MACROD2: variants seen among roughly 807,000 people sequenced by gnomAD.
MACROD2 encodes the protein ADP-ribose glycohydrolase MACROD2.
Under a neutral mutation model 70.4 loss-of-function variants are expected in MACROD2, and 36 were observed. That is an observed-to-expected ratio of 0.51 (90% CI 0.39 to 0.68). The LOEUF is 0.68. MACROD2 is among the 30% of genes least tolerant of loss of function. MACROD2 has a pLI of 0.00. For synonymous variants in MACROD2, 172 were observed against 178.8 expected (o/e 0.96, Z 0.30); for missense variants, 496 against 538.4 (o/e 0.92, Z 0.78).
rs985088868 is a variant in MACROD2 at position 14,684,205 on chromosome 20, A to G, written c.302-638A>G. ...GGTGGTCTTATGGGTGTTAAGCAAG[A>G]CCTAATCTACCCTTGCGCAGCACCC... On this transcript the variant is annotated intron_variant, in intron 4 of 17. Transcript: ENST00000684519. 2.6e-5 allele frequency among the ~76,000 whole-genome samples: 4 copies of G among 152,226 alleles called. No individual in the cohort carries two copies. The South Asian group carries it at 6.2e-4, about 24-fold the overall frequency.
intron 5 of MACROD2, among the ~76,000 whole-genome samples, chr20:14,866,512 G>A (rs964577935): frequency 2.0e-5 from 3 of 151,956 alleles, no homozygotes; most frequent in African/African-American, 7.3e-5. Context: ...GCAATTTCTG[G>A]GTGAGTAGGT....
chr20:14,806,048 C>T (rs1458941407), intron 5 of MACROD2, among the ~76,000 whole-genome samples: 1 of 151,640 alleles, frequency 6.6e-6, no homozygotes, highest in Non-Finnish European at 1.5e-5. Flanking sequence ...ACATAGTAAG[C>T]ACTCACTAAA....
chr20:14,194,845 A>C (rs1448976153), intron 3 of MACROD2, among the ~76,000 whole-genome samples: 4 of 152,240 alleles, frequency 2.6e-5, no homozygotes, highest in African/African-American at 9.6e-5. Context: ...CTAATCAAGC[A>C]GTGTAAACAT....
At chr20:14,271,455 A>G (rs2122355020) in intron 3 of MACROD2, among the ~76,000 whole-genome samples, 1 of 152,310 alleles carries the variant, frequency 6.6e-6, no homozygotes, top group Middle Eastern at 3.4e-3. Context: ...AAGAAAAACT[A>G]ACAAACAGAA....
chr20:14,976,512 T>C (rs1374169875), intron 5 of MACROD2, among the ~76,000 whole-genome samples: 1 of 152,186 alleles, frequency 6.6e-6, no homozygotes, highest in African/African-American at 2.4e-5. Context: ...ATCACTGTCA[T>C]CTCAGGGTCC....
Position 15,329,319 on chromosome 20 carries a change from A to G in MACROD2, c.540+99258A>G, listed in dbSNP as rs542863506. ...TTCAGGGTGAGAGTGGTGTATCTGT[A>G]GGTGATTTAGGGTGACGTTTGGAAT... is the stretch of plus-strand genomic sequence containing the variant. On this transcript the variant is annotated intron_variant, in intron 6 of 17. Transcript: ENST00000684519. Among the ~76,000 whole-genome samples the G allele has an allele frequency of 4.2e-4, 64 of 152,218 alleles. 1 individual carries two copies. The highest frequency in any genetic ancestry group is 1.4e-3 in the African/African-American group (59 of 41,542).
intron 4 of MACROD2, among the ~76,000 whole-genome samples, chr20:14,581,198 T>A (rs1234197200): frequency 1.3e-5 from 2 of 152,218 alleles, no homozygotes; most frequent in Non-Finnish European, 2.9e-5. Context: ...TAAAACACTC[T>A]TGGTTTTTTC....
chr20:15,956,744 G>A (rs1200340846), intron 12 of MACROD2, among the ~76,000 whole-genome samples: 1 of 152,094 alleles, frequency 6.6e-6, no homozygotes, highest in Non-Finnish European at 1.5e-5. Context: ...CTGGGGTTGG[G>A]GCCCCACAGT....
At chr20:14,515,153 C>A (rs1288444864) in intron 4 of MACROD2, among the ~76,000 whole-genome samples, 1 of 152,014 alleles carries the variant, frequency 6.6e-6, no homozygotes, top group Non-Finnish European at 1.5e-5. Context: ...AAAAGAAAGT[C>A]ACTGTGTTAT....
chr20:15,547,322 A>G (rs2048037971), intron 8 of MACROD2, among the ~76,000 whole-genome samples: 1 of 152,186 alleles, frequency 6.6e-6, no homozygotes, highest in African/African-American at 2.4e-5. Context: ...AGGGAGCAAA[A>G]CAAATGCTAC....
chr20:15,334,989 A>G (rs2078032862), intron 6 of MACROD2, among the ~76,000 whole-genome samples: 1 of 151,706 alleles, frequency 6.6e-6, no homozygotes, highest in South Asian at 2.1e-4. Context: ...TATAGTTACC[A>G]TCTTTTATGA....
rs139337084 is a variant in MACROD2, at chr20:15,188,412, T to A, written c.419-41528T>A. ...CCAAAGAGTCGAGCAACATGGTTAG[T>A]ATATTAACCTATTAGGGTTAGCCGA... is the stretch of plus-strand genomic sequence containing the variant. On this transcript the variant is annotated intron_variant, in intron 5 of 17. Transcript: ENST00000684519. Among the ~76,000 whole-genome samples, 920 of 152,296 alleles carry A rather than the reference T, an allele frequency of 6.0e-3. 9 individuals are homozygous for A. Among genetic ancestry groups the A allele is most frequent in the African/African-American group, 0.02 (844 of 41,558 alleles).
chr20:14,493,371 T>G (rs964243680), intron 3 of MACROD2, 108 bp from the exon 4 acceptor site: 4 of 799,454 alleles, frequency 5.0e-6, no homozygotes, highest in Non-Finnish European at 8.1e-6. Flanking sequence ...TGTTTATGTA[T>G]GTATATGAGA....
At chr20:15,779,123 C>T (rs2051786487) in intron 8 of MACROD2, among the ~76,000 whole-genome samples, 1 of 152,020 alleles carries the variant, frequency 6.6e-6, no homozygotes, top group Non-Finnish European at 1.5e-5. Flanking sequence ...CATGGGGATC[C>T]CAGGAGTTAC....
At chr20:15,282,196 G>T (rs1223718996) in intron 6 of MACROD2, among the ~76,000 whole-genome samples, 1 of 152,238 alleles carries the variant, frequency 6.6e-6, no homozygotes, top group East Asian at 1.9e-4. Context: ...TTTGTGATGG[G>T]AGGGGCTGCT....
chr20:14,087,289 G>A (rs979246601), intron 3 of MACROD2, among the ~76,000 whole-genome samples: 5 of 151,936 alleles, frequency 3.3e-5, no homozygotes, highest in Admixed American at 2.0e-4. Context: ...CCAGCTACTC[G>A]GGAGGCTGAG....
chr20:14,603,183 A>C (rs1179268397), intron 4 of MACROD2, among the ~76,000 whole-genome samples: 4 of 152,130 alleles, frequency 2.6e-5, no homozygotes, highest in Non-Finnish European at 5.9e-5. Context: ...CTGATTTATA[A>C]CTTTCTCAGG....
intron 5 of MACROD2, among the ~76,000 whole-genome samples, chr20:14,998,276 G>A (rs1568918747): frequency 6.6e-6 from 1 of 152,128 alleles, no homozygotes. Context: ...CACTAAATAA[G>A]GCACCAGTGA....
At chr20:15,142,529 T>C (rs1013765790) in intron 5 of MACROD2, among the ~76,000 whole-genome samples, 8 of 152,232 alleles carry the variant, frequency 5.3e-5, no homozygotes, top group Non-Finnish European at 1.2e-4. Flanking sequence ...TTTATTATTA[T>C]ACTTTAAGTT....
Sources: allele counts gnomAD v4.1 joint callset (sites outside exome capture counted in the v4.1 genomes callset), GRCh38; gene constraint gnomAD v4.1.1; transcripts MANE v1.5; gene names NCBI Gene and HGNC (gene_info 2026-07-23, HGNC 2026-07-21).